Variants in HERC4 observed in about 807,000 individuals in gnomAD.
The protein encoded by HERC4 is HECT and RLD domain containing E3 ubiquitin protein ligase 4.
HERC4 carries 28 observed loss-of-function variants against 124.3 expected under a neutral mutation model. The ratio of observed to expected loss-of-function variants is 0.23; its 90% CI spans 0.17 to 0.31. The LOEUF (loss-of-function observed/expected upper bound fraction) is 0.31, where lower values mean the gene tolerates loss of function less well. Ranked by LOEUF, HERC4 falls within the 10% of genes least tolerant of loss-of-function variation. The probability of loss-of-function intolerance (pLI) is 1.00; values close to 1 mark genes in which losing one functional copy is unlikely to be tolerated. For synonymous variants in HERC4, 407 were observed against 421.5 expected, an observed-to-expected ratio of 0.97 and a Z score of 0.42; for missense variants, 713 against 1,229.3, an observed-to-expected ratio of 0.58 and a Z score of 6.28.
intron 19 of HERC4, among the ~76,000 whole-genome samples, chr10:67,950,388 G>A (rs2033705007): frequency 6.6e-6 from 1 of 151,824 alleles, no homozygotes; most frequent in Non-Finnish European, 1.5e-5. Flanking sequence ...TGATTCTCCT[G>A]CCTCAGCCTC....
Position 67,974,073 on chromosome 10 carries a change from T to TATACAC in HERC4, c.1807-7272_1807-7271insGTGTAT, listed in dbSNP as rs1382393611. Among the ~76,000 whole-genome samples the TATACAC allele has an allele frequency of 1.2e-3, 120 of 96,052 alleles. 1 individual carries two copies. The highest frequency in any genetic ancestry group is 4.4e-3 in the African/African-American group (107 of 24,286). The allele number at this position is 96,052 out of a possible 152,430, so 63.0% of individuals were successfully genotyped here. On this transcript the variant is annotated intron_variant, in intron 15 of 24. Transcript: ENST00000373700. ...AAAAAAAAAAAAAAAAAAATTACTGTACACACACACACACACACACACACA... is the reference window on the plus strand; with the variant it reads ...AAAAAAAAAAAAAAAAAAATTACTGTATACACACACACACACACACACACACACACA...
At chr10:67,990,456 GAAAA>G in intron 13 of HERC4, 56 bp from the exon 14 acceptor site, 2 of 615,300 alleles carry the variant, frequency 3.3e-6, no homozygotes, top group Admixed American at 4.8e-5. Context: ...CACTTTCAAA[GAAAA>G]AAAAAAAAAA....
intron 15 of HERC4, among the ~76,000 whole-genome samples, chr10:67,973,043 T>C (rs1268822181): frequency 6.6e-6 from 1 of 152,140 alleles, no homozygotes. Context: ...GAAAAAAGAA[T>C]ATACACACAC....
chr10:68,051,930 A>G (rs1194808805), intron 3 of HERC4, among the ~76,000 whole-genome samples: 1 of 151,914 alleles, frequency 6.6e-6, no homozygotes, highest in African/African-American at 2.4e-5. Context: ...CAGCCTCCCA[A>G]AGTGTTGAGA....
At position 67,996,316 on chromosome 10, in the gene HERC4, C is replaced by G. The variant is rs1051992134; in HGVS notation, c.1070-3634G>C. 1.7e-3 allele frequency among the ~76,000 whole-genome samples: 10 copies of G among 5,920 alleles called. No homozygotes were observed. The Non-Finnish European group carries it at 0.059, about 35-fold the overall frequency. The allele number at this position is 5,920 out of a possible 152,430, so 3.9% of individuals were successfully genotyped here. On this transcript the variant is annotated intron_variant, in intron 9 of 24. Coordinates refer to ENST00000373700, the MANE Select transcript of HERC4 (RefSeq NM_015601.4). ...AATTTTGAAGACCTTGAAATAGACA[C>G]CCCCCCTGCCCCACAAGAAACAGTC...
intron 16 of HERC4, among the ~76,000 whole-genome samples, chr10:67,959,921 G>A (rs117022651): frequency 0.045 from 6,822 of 152,248 alleles, 209 homozygotes; most frequent in Middle Eastern, 0.095. Context: ...ATTTGTGGAC[G>A]GTGCCTTGTG....
At chr10:68,003,234 A>G (rs933170663) in intron 9 of HERC4, among the ~76,000 whole-genome samples, 3 of 151,246 alleles carry the variant, frequency 2.0e-5, no homozygotes, top group Non-Finnish European at 4.4e-5. Flanking sequence ...GGCTCACTGC[A>G]AGCTCCGCCT....
At chr10:67,958,372 C>T (rs1337277779) in intron 16 of HERC4, among the ~76,000 whole-genome samples, 1 of 152,130 alleles carries the variant, frequency 6.6e-6, no homozygotes, top group Non-Finnish European at 1.5e-5. Context: ...CCAAAGCACC[C>T]TTTGGCTTCA....
intron 15 of HERC4, among the ~76,000 whole-genome samples, chr10:67,972,291 G>A (rs2035287418): frequency 6.6e-6 from 1 of 150,670 alleles, no homozygotes; most frequent in Admixed American, 6.6e-5. Context: ...GGAGGCCGAG[G>A]TGGGCAGATC....
At chr10:68,037,909 T>C (rs2039561389) in intron 5 of HERC4, among the ~76,000 whole-genome samples, 184 bp downstream of exon 5, 2 of 152,160 alleles carry the variant, frequency 1.3e-5, no homozygotes, top group African/African-American at 4.8e-5. Flanking sequence ...TGTGTGTGTG[T>C]GTTTGTGTGT....
At chr10:68,061,470 T>G (rs1254373750) in intron 3 of HERC4, among the ~76,000 whole-genome samples, 2 of 141,622 alleles carry the variant, frequency 1.4e-5, no homozygotes. Context: ...GAAGTGGAGC[T>G]TGCAGTGAGC....
chr10:68,069,551 T>C (rs1589480619), intron 3 of HERC4: 6 of 985,436 alleles, frequency 6.1e-6, no homozygotes, highest in Non-Finnish European at 7.2e-6. Flanking sequence ...ACAGGTTAAA[T>C]CTATTCACTA....
At chr10:68,072,123 GA>G (rs1384312644) in intron 3 of HERC4, among the ~76,000 whole-genome samples, 4 of 152,122 alleles carry the variant, frequency 2.6e-5, no homozygotes, top group African/African-American at 9.7e-5. Context: ...TTTACCACCT[GA>G]AATCATTAAC....
intron 19 of HERC4, among the ~76,000 whole-genome samples, chr10:67,948,841 A>G (rs952957928): frequency 2.6e-5 from 4 of 152,114 alleles, no homozygotes; most frequent in Non-Finnish European, 5.9e-5. Flanking sequence ...GAATGGCTTG[A>G]ACATGGGAGG....
At chr10:67,956,823 C>G in intron 17 of HERC4, 55 bp downstream of exon 17, 1 of 1,165,634 alleles carries the variant, frequency 8.6e-7, no homozygotes, top group Non-Finnish European at 1.2e-6. Flanking sequence ...TATTTACTGT[C>G]CAGAAACATC....
At chr10:68,039,152 C>CA (rs5785843) in intron 4 of HERC4, among the ~76,000 whole-genome samples, 9,725 of 115,162 alleles carry the variant, frequency 0.084, 983 homozygotes, top group African/African-American at 0.24. Flanking sequence ...ACTGAAAATA[C>CA]AAAAAAAAAA....
At chr10:67,949,588 T>C (rs2033648118) in intron 19 of HERC4, among the ~76,000 whole-genome samples, 1 of 152,166 alleles carries the variant, frequency 6.6e-6, no homozygotes, top group Non-Finnish European at 1.5e-5. Context: ...CTCAATCAAG[T>C]AGCCTATTAA....
In HERC4 at chr10:68,014,285, T is replaced by C. The variant is rs1029922978; in HGVS notation, c.909-99A>G. The C allele has an allele frequency of 3.6e-6, 4 of 1,112,566 alleles. No homozygotes were observed. In the African/African-American group the frequency reaches 4.8e-5, roughly 13 times the overall value. 68.9% of individuals were successfully genotyped at this position (1,112,566 alleles called of 1,614,324 possible). ...ATATCAAAAGAGGTAATTTTTCTTT[T>C]CAAAAAATTAATAAAACCAATTGTA... On this transcript the variant is annotated intron_variant, in intron 8 of 24. Coordinates refer to ENST00000373700, the MANE Select transcript of HERC4 (RefSeq NM_015601.4).
chr10:67,991,443 T>TTATC (rs2036545749), intron 11 of HERC4, among the ~76,000 whole-genome samples: 2 of 152,180 alleles, frequency 1.3e-5, no homozygotes, highest in Admixed American at 1.3e-4. Flanking sequence ...TTATCCAATG[T>TTATC]TATCTGCTTT....
Sources: gnomAD v4.1 joint callset for allele counts (sites outside exome capture counted in the v4.1 genomes callset) on GRCh38, gnomAD v4.1.1 for gene constraint, MANE v1.5 for transcripts, NCBI Gene and HGNC (gene_info 2026-07-23, HGNC 2026-07-21) for gene names.